Variants in PDE4D observed in about 807,000 individuals in gnomAD.
The protein encoded by PDE4D is 3',5'-cyclic-AMP phosphodiesterase 4D.
PDE4D carries 24 observed loss-of-function variants against 87.4 expected under a neutral mutation model. The ratio of observed to expected loss-of-function variants is 0.27; its 90% CI spans 0.20 to 0.39. PDE4D has a LOEUF of 0.39. Ranked by LOEUF, PDE4D falls within the 10% of genes least tolerant of loss-of-function variation. The pLI is 1.00. For missense variants in PDE4D, 714 were observed against 1,041.0 expected (o/e 0.69, Z 4.32); for synonymous variants, 384 against 383.2 (o/e 1.00, Z -0.02).
At chr5:59,899,434 C>T (rs1325749491) in intron 3 of PDE4D, among the ~76,000 whole-genome samples, 1 of 151,342 alleles carries the variant, frequency 6.6e-6, no homozygotes, top group Non-Finnish European at 1.5e-5. Context: ...AACACCTAAG[C>T]ACATATATAT....
At chr5:59,732,413 C>G (rs1369058092) in intron 1 of PDE4D, among the ~76,000 whole-genome samples, 4 of 151,822 alleles carry the variant, frequency 2.6e-5, no homozygotes, top group African/African-American at 4.8e-5. Flanking sequence ...CACACACACA[C>G]ACACACACAC....
intron 1 of PDE4D, among the ~76,000 whole-genome samples, chr5:59,891,541 G>C (rs1750955607): frequency 6.6e-6 from 1 of 152,170 alleles, no homozygotes; most frequent in Non-Finnish European, 1.5e-5. Context: ...AGTCTTGGCT[G>C]AAAAATGAAA....
chr5:59,364,518 T>G (rs566566259), intron 1 of PDE4D, among the ~76,000 whole-genome samples: 2 of 152,350 alleles, frequency 1.3e-5, no homozygotes, highest in African/African-American at 2.4e-5. Flanking sequence ...GACGTGTTTT[T>G]GTTTGATATA....
At chr5:59,366,795 C>A (rs1382231118) in intron 1 of PDE4D, among the ~76,000 whole-genome samples, 4 of 152,098 alleles carry the variant, frequency 2.6e-5, no homozygotes, top group African/African-American at 4.8e-5. Flanking sequence ...ACTTCAATAA[C>A]TCTATTTTTA....
intron 3 of PDE4D, among the ~76,000 whole-genome samples, chr5:59,972,215 A>G (rs1760851844): frequency 6.6e-6 from 1 of 152,178 alleles, no homozygotes; most frequent in African/African-American, 2.4e-5. Context: ...GAGGGAATGC[A>G]TATTCCTACT....
At chr5:60,408,533 A>C (rs1488938980) in intron 1 of PDE4D, among the ~76,000 whole-genome samples, 1 of 152,226 alleles carries the variant, frequency 6.6e-6, no homozygotes, top group African/African-American at 2.4e-5. Context: ...ATAATTTCTG[A>C]AGCACTGCTT....
intron 2 of PDE4D, among the ~76,000 whole-genome samples, chr5:60,071,444 T>C (rs1252630271): frequency 2.6e-5 from 4 of 152,114 alleles, no homozygotes; most frequent in Admixed American, 2.6e-4. Flanking sequence ...TAAGGAAGTC[T>C]TTTTCACTAA....
chr5:59,316,930 G>C (rs1773862191), intron 1 of PDE4D, among the ~76,000 whole-genome samples: 1 of 152,146 alleles, frequency 6.6e-6, no homozygotes, highest in African/African-American at 2.4e-5. Flanking sequence ...AACCTGCCAG[G>C]TTCAAGTGCT....
chr5:59,412,151 A>C (rs1792794697), intron 1 of PDE4D, among the ~76,000 whole-genome samples: 1 of 152,160 alleles, frequency 6.6e-6, no homozygotes, highest in Non-Finnish European at 1.5e-5. Flanking sequence ...TCAACTCCTT[A>C]ATGGTGGTTA....
intron 3 of PDE4D, among the ~76,000 whole-genome samples, chr5:59,920,304 T>G (rs1212627435): frequency 6.6e-6 from 1 of 152,232 alleles, no homozygotes; most frequent in Non-Finnish European, 1.5e-5. Flanking sequence ...ATCTCTGCCA[T>G]TTCCAAGCCC....
chr5:60,203,430 T>C (rs1435008035), intron 1 of PDE4D, among the ~76,000 whole-genome samples: 3 of 152,202 alleles, frequency 2.0e-5, no homozygotes, highest in Admixed American at 2.0e-4. Flanking sequence ...CAAAACTGTA[T>C]GTAGAGTGTG....
At chr5:59,550,254 A>G (rs1817895005) in intron 1 of PDE4D, among the ~76,000 whole-genome samples, 1 of 152,152 alleles carries the variant, frequency 6.6e-6, no homozygotes, top group African/African-American at 2.4e-5. Context: ...TAACATATCA[A>G]GGTATATTGT....
At chr5:59,316,514 T>C (rs1422659369) in intron 1 of PDE4D, among the ~76,000 whole-genome samples, 1 of 152,150 alleles carries the variant, frequency 6.6e-6, no homozygotes, top group African/African-American at 2.4e-5. Flanking sequence ...AGTGAAAACA[T>C]CACAAAGCTC....
Position 59,675,480 on chromosome 5 carries a change from T to C in PDE4D, c.455+217688A>G, listed in dbSNP as rs948357924. Reference sequence around the variant, plus strand: ...ATGATATTTTTGGCAAAATATCAAATGTTTTTGATGGAAAGTGAAAGGGCT... The same window carrying C: ...ATGATATTTTTGGCAAAATATCAAACGTTTTTGATGGAAAGTGAAAGGGCT... On this transcript the variant is annotated intron_variant, in intron 1 of 14. Transcript: ENST00000340635. Among the ~76,000 whole-genome samples, 11 of 152,164 alleles carry C rather than the reference T, an allele frequency of 7.2e-5. 1 individual carries two copies. Among genetic ancestry groups the C allele is most frequent in the Admixed American group, 7.2e-4 (11 of 15,272 alleles).
At chr5:60,067,261 G>A in intron 2 of PDE4D, among the ~76,000 whole-genome samples, 1 of 151,996 alleles carries the variant, frequency 6.6e-6, no homozygotes, top group East Asian at 1.9e-4. Flanking sequence ...AAATTGATAT[G>A]GTAGATGAGA....
intron 1 of PDE4D, among the ~76,000 whole-genome samples, chr5:59,755,160 C>G (rs914256556): frequency 1.3e-5 from 2 of 151,888 alleles, no homozygotes; most frequent in African/African-American, 4.8e-5. Context: ...TTCTTATTAC[C>G]TTAAGAAGAA....
Position 59,606,738 on chromosome 5 carries a change from T to C in PDE4D, c.455+286430A>G, listed in dbSNP as rs576029808. On this transcript the variant is annotated intron_variant, in intron 1 of 14. Transcript: ENST00000340635. Reference sequence around the variant, plus strand: ...CACTGTGCTCAATACTTGACTTGCCTTTCCTCATTTAATCTTCCACAAAAG... The same window carrying C: ...CACTGTGCTCAATACTTGACTTGCCCTTCCTCATTTAATCTTCCACAAAAG... 7.2e-4 allele frequency among the ~76,000 whole-genome samples: 110 copies of C among 152,292 alleles called. 1 individual carries two copies. In the Middle Eastern group the frequency reaches 0.014, roughly 19 times the overall value.
chr5:59,545,427 C>T (rs563097376), intron 1 of PDE4D, among the ~76,000 whole-genome samples: 2 of 152,126 alleles, frequency 1.3e-5, no homozygotes, highest in Non-Finnish European at 2.9e-5. Context: ...CAGTTTCATT[C>T]TAGGTAGTTC....
At chr5:59,430,541 C>T (rs1421075207) in intron 1 of PDE4D, 2 of 665,420 alleles carry the variant, frequency 3.0e-6, no homozygotes, top group Non-Finnish European at 4.2e-6. Flanking sequence ...TTGCCCGGTG[C>T]TTCTTTGCTT....
Sources: gnomAD v4.1 joint callset for allele counts (sites outside exome capture counted in the v4.1 genomes callset) on GRCh38, gnomAD v4.1.1 for gene constraint, MANE v1.5 for transcripts, NCBI Gene and HGNC (gene_info 2026-07-23, HGNC 2026-07-21) for gene names.